TENM3: variants seen among roughly 807,000 people sequenced by gnomAD.
TENM3 encodes the protein teneurin transmembrane protein 3.
In TENM3, 63 loss-of-function variants were observed where a neutral mutation model predicts 255.1. That is an observed-to-expected ratio of 0.25 (90% CI 0.20 to 0.30). The LOEUF is 0.30. Ranked by LOEUF, TENM3 falls within the 10% of genes least tolerant of loss-of-function variation. The pLI is 1.00. For synonymous variants in TENM3, 1,306 were observed against 1,322.3 expected (o/e 0.99, Z 0.27); for missense variants, 2,929 against 3,461.1 (o/e 0.85, Z 3.86).
intron 3 of TENM3, among the ~76,000 whole-genome samples, chr4:182,553,933 C>T (rs1742331225): frequency 6.6e-6 from 1 of 152,162 alleles, no homozygotes; most frequent in Non-Finnish European, 1.5e-5. Context: ...TTTTATGTCT[C>T]TTCCCTTACT....
the TENM3 span, among the ~76,000 whole-genome samples, chr4:181,759,546 A>G: frequency 6.6e-6 from 1 of 152,192 alleles, no homozygotes; most frequent in South Asian, 2.1e-4. Context: ...GTTCATAAGC[A>G]TGAAAAACTA....
chr4:182,781,089 C>T (rs1765126090), intron 24 of TENM3, among the ~76,000 whole-genome samples: 1 of 151,932 alleles, frequency 6.6e-6, no homozygotes, highest in South Asian at 2.1e-4. Flanking sequence ...ACTTCCAACA[C>T]TATGTTGAAT....
intron 3 of TENM3, among the ~76,000 whole-genome samples, chr4:182,529,660 TATCC>T: frequency 6.6e-6 from 1 of 152,324 alleles, no homozygotes; most frequent in Non-Finnish European, 1.5e-5. Context: ...TCCTTTTTCC[TATCC>T]ATCTATTCCT....
chr4:181,578,630 C>T, the TENM3 span, among the ~76,000 whole-genome samples: 2 of 152,176 alleles, frequency 1.3e-5, no homozygotes, highest in African/African-American at 4.8e-5. Context: ...GACTTTGCCA[C>T]TCTATAGTGC....
At chr4:182,282,411 A>G (rs1258800881) in intron 1 of TENM3, among the ~76,000 whole-genome samples, 4 of 152,072 alleles carry the variant, frequency 2.6e-5, no homozygotes, top group African/African-American at 9.7e-5. Context: ...AATTTTCATT[A>G]TTTTCTATGT....
chr4:182,440,114 C>CT (rs5864784), intron 3 of TENM3, among the ~76,000 whole-genome samples: 82,716 of 126,652 alleles, frequency 0.65, 27,997 homozygotes, highest in East Asian at 0.83. Flanking sequence ...TGGTGGGCAC[C>CT]TTTTTTTTTT....
At chr4:181,475,518 G>C in the TENM3 span, among the ~76,000 whole-genome samples, 1 of 152,222 alleles carries the variant, frequency 6.6e-6, no homozygotes, top group African/African-American at 2.4e-5. Flanking sequence ...CGATGAGAGG[G>C]GTTTTAGGTC....
the TENM3 span, among the ~76,000 whole-genome samples, chr4:181,952,278 T>C: frequency 6.6e-6 from 1 of 152,216 alleles, no homozygotes; most frequent in Admixed American, 6.5e-5. Flanking sequence ...GTTTGTATAA[T>C]GAATAAGAGC....
rs186514456 is a variant in TENM3, at chr4:182,332,879, G to A, written c.232+8627G>A. On this transcript the variant is annotated intron_variant, in intron 2 of 27. Transcript: ENST00000511685. ...CCTATGATCCTGATTAAGAAATAAT[G>A]AGAACAAAAATAAGACATCCTAAAA... Among the ~76,000 whole-genome samples the A allele has an allele frequency of 7.0e-4, 107 of 152,180 alleles. 1 individual carries two copies. Among genetic ancestry groups the A allele is most frequent in the African/African-American group, 2.5e-3 (103 of 41,526 alleles).
chr4:182,052,260 T>C, the TENM3 span, among the ~76,000 whole-genome samples: 189 of 152,230 alleles, frequency 1.2e-3, 6 homozygotes, highest in East Asian at 0.029. Flanking sequence ...AACAGGCACC[T>C]GAGTTACACA....
In TENM3 at chr4:182,799,571, G is replaced by T. The variant is rs770794490; in HGVS notation, c.7345-25G>T. 5.9e-6 allele frequency: 9 copies of T among 1,530,174 alleles called. No individual in the cohort carries two copies. The highest frequency in any genetic ancestry group is 7.9e-6 in the Non-Finnish European group (9 of 1,144,902). 94.8% of individuals were successfully genotyped at this position (1,530,174 alleles called of 1,614,324 possible). On this transcript the variant is annotated intron_variant, in intron 27 of 27. Coordinates refer to ENST00000511685, the MANE Select transcript of TENM3 (RefSeq NM_001080477.4). The surrounding 1 kb of genome is among the most constrained non-coding windows in gnomAD (Gnocchi z 4.2). ...GGAGGCTCCCGGCCGCCTCTGACGCGCCCCCTCTTTTGTTTCGCCCGCAGC... is the reference window on the plus strand; with the variant it reads ...GGAGGCTCCCGGCCGCCTCTGACGCTCCCCCTCTTTTGTTTCGCCCGCAGC...
At chr4:181,743,845 T>C in the TENM3 span, among the ~76,000 whole-genome samples, 2 of 152,144 alleles carry the variant, frequency 1.3e-5, no homozygotes, top group South Asian at 4.1e-4. Context: ...GGGGTACATG[T>C]GCAGGATGTG....
At chr4:182,299,668 A>C (rs2150362570) in intron 1 of TENM3, among the ~76,000 whole-genome samples, 1 of 152,248 alleles carries the variant, frequency 6.6e-6, no homozygotes, top group Non-Finnish European at 1.5e-5. Context: ...ACTTCCAGAA[A>C]GTCAAGGTGT....
chr4:181,673,890 G>T, the TENM3 span, among the ~76,000 whole-genome samples: 1 of 143,188 alleles, frequency 7.0e-6, no homozygotes, highest in Admixed American at 7.0e-5. Flanking sequence ...GTGTGTGTGT[G>T]TTTTAGAATT....
the TENM3 span, among the ~76,000 whole-genome samples, chr4:181,622,463 G>A: frequency 6.6e-6 from 1 of 152,114 alleles, no homozygotes; most frequent in Non-Finnish European, 1.5e-5. Flanking sequence ...ATCACCTGAG[G>A]TCAGGAGTTT....
At chr4:182,323,376 A>G (rs1304793512) in intron 1 of TENM3, among the ~76,000 whole-genome samples, 1 of 151,872 alleles carries the variant, frequency 6.6e-6, no homozygotes, top group Non-Finnish European at 1.5e-5. Flanking sequence ...TTCTTAAAAC[A>G]TGAAAATTGT....
At chr4:182,408,883 A>C (rs1299422383) in intron 3 of TENM3, among the ~76,000 whole-genome samples, 1 of 152,188 alleles carries the variant, frequency 6.6e-6, no homozygotes, top group East Asian at 1.9e-4. Flanking sequence ...CTTCCCGTTA[A>C]ATTATCAGTG....
rs568575271 is a variant in TENM3 at position 182,589,021 on chromosome 4, G to A, written c.512-11903G>A. ...CAGAAATTCTGCTATCCAGTAACAA[G>A]AAGAGAATAGCAGAGACCATTCATA... On this transcript the variant is annotated intron_variant, in intron 3 of 27. Transcript: ENST00000511685. 2.3e-3 allele frequency among the ~76,000 whole-genome samples: 350 copies of A among 152,262 alleles called. 2 individuals are homozygous for A. Among genetic ancestry groups the A allele is most frequent in the African/African-American group, 7.9e-3 (328 of 41,570 alleles).
chr4:182,415,066 C>T (rs1211427692), intron 3 of TENM3, among the ~76,000 whole-genome samples: 1 of 152,230 alleles, frequency 6.6e-6, no homozygotes, highest in Admixed American at 6.5e-5. Flanking sequence ...CACTGTTAAT[C>T]AGCATACCAT....
Sources: allele counts gnomAD v4.1 joint callset (sites outside exome capture counted in the v4.1 genomes callset), GRCh38; gene constraint gnomAD v4.1.1; non-coding constraint Gnocchi (gnomAD v3.1); transcripts MANE v1.5; gene names NCBI Gene and HGNC (gene_info 2026-07-23, HGNC 2026-07-21).